Variants in INO80 observed in about 807,000 individuals in gnomAD.
INO80 encodes chromatin-remodeling ATPase INO80.
INO80 carries 20 observed loss-of-function variants against 203.4 expected under a neutral mutation model. That is an observed-to-expected ratio of 0.10 (90% CI 0.07 to 0.14). The LOEUF (loss-of-function observed/expected upper bound fraction) is 0.14, where lower values mean the gene tolerates loss of function less well. Among genes scored for constraint, INO80 ranks in the 10% least tolerant of loss-of-function variants. INO80 has a pLI of 1.00. For synonymous variants in INO80, 726 were observed against 685.2 expected (o/e 1.06, Z -0.93); for missense variants, 1,419 against 1,914.4 (o/e 0.74, Z 4.83).
At position 41,081,064 on chromosome 15, in the gene INO80, G is replaced by T; in HGVS notation, c.883C>A (p.Gln295Lys). ...AACAGGTTACGAGCTGAAGCTTTCTGCTTATTTGCCTAAAATATTTAAAAA... is the reference window on the plus strand; with the variant it reads ...AACAGGTTACGAGCTGAAGCTTTCTTCTTATTTGCCTAAAATATTTAAAAA... ...VKKELPKANK[Q>K]KASARNLFLT... Residue 295 changes from glutamine (Q) to lysine (K), a missense_variant, in exon 8 of 36, where the codon CAG (glutamine) becomes AAG (lysine). Transcript: ENST00000648947. 6.3e-7 allele frequency: 1 copy of T among 1,590,868 alleles called. No individual in the cohort carries two copies. Among genetic ancestry groups the T allele is most frequent in the Non-Finnish European group, 8.6e-7 (1 of 1,159,638 alleles).
intron 25 of INO80, among the ~76,000 whole-genome samples, chr15:41,027,082 C>T (rs1240636795): frequency 6.6e-6 from 1 of 152,150 alleles, no homozygotes; most frequent in African/African-American, 2.4e-5. Flanking sequence ...GAATGACAGT[C>T]CAAGTGAGGC....
chr15:41,072,561 T>TA (rs1334141700), intron 11 of INO80, among the ~76,000 whole-genome samples: 1 of 104,014 alleles, frequency 9.6e-6, no homozygotes, highest in Non-Finnish European at 2.0e-5. Flanking sequence ...TCTACTAAAA[T>TA]AAAAAAAATT....
intron 29 of INO80, among the ~76,000 whole-genome samples, chr15:40,991,100 C>T (rs777951486): frequency 1.2e-4 from 18 of 151,986 alleles, no homozygotes; most frequent in Non-Finnish European, 2.1e-4. Context: ...CCTAGAAGAC[C>T]CAGTGGCAAC....
chr15:41,094,817 A>C (rs1480159839), intron 4 of INO80, among the ~76,000 whole-genome samples: 2 of 152,144 alleles, frequency 1.3e-5, no homozygotes, highest in East Asian at 3.8e-4. Flanking sequence ...TTTGAGCACC[A>C]ATAAGATGCC....
intron 24 of INO80, among the ~76,000 whole-genome samples, chr15:41,031,836 CTT>C (rs964368883): frequency 4.6e-5 from 7 of 152,202 alleles, no homozygotes; most frequent in Admixed American, 3.9e-4. Flanking sequence ...TCTAAAGACT[CTT>C]TTCGCACCAT....
intron 1 of INO80, among the ~76,000 whole-genome samples, chr15:41,103,420 C>T (rs1596329601): frequency 6.6e-6 from 1 of 152,234 alleles, no homozygotes. Flanking sequence ...GACAGAGTCT[C>T]GCTTTGTCAC....
At chr15:41,050,221 T>TC (rs1199006573) in intron 19 of INO80, 119 bp from the exon 20 acceptor site, 3 of 657,126 alleles carry the variant, frequency 4.6e-6, no homozygotes, top group Non-Finnish European at 5.2e-6. Flanking sequence ...ATATGTGAAC[T>TC]CAGTATCTCT....
chr15:41,065,718 CT>C (rs1244681143), intron 14 of INO80, among the ~76,000 whole-genome samples: 1 of 152,118 alleles, frequency 6.6e-6, no homozygotes, highest in Non-Finnish European at 1.5e-5. Flanking sequence ...GAATAAAGCA[CT>C]GACACATGCT....
chr15:41,001,245 G>A (rs757048139), intron 28 of INO80, among the ~76,000 whole-genome samples: 7 of 152,122 alleles, frequency 4.6e-5, no homozygotes, highest in Non-Finnish European at 8.8e-5. Flanking sequence ...TCAACTCAGG[G>A]TCTCTTAGAA....
At chr15:41,045,272 C>A (rs1239404198) in intron 23 of INO80, among the ~76,000 whole-genome samples, 197 bp from the exon 24 acceptor site, 1 of 152,110 alleles carries the variant, frequency 6.6e-6, no homozygotes, top group Non-Finnish European at 1.5e-5. Flanking sequence ...AAACTAAAAT[C>A]CTCCGCAAAG....
intron 27 of INO80, among the ~76,000 whole-genome samples, chr15:41,015,259 A>G (rs2044186262): frequency 6.6e-6 from 1 of 152,200 alleles, no homozygotes; most frequent in Non-Finnish European, 1.5e-5. Flanking sequence ...TCACCCCAGG[A>G]CCTTTTAAAT....
At chr15:41,109,481 G>T (rs972140074) in intron 1 of INO80, among the ~76,000 whole-genome samples, 4 of 150,738 alleles carry the variant, frequency 2.7e-5, no homozygotes, top group Non-Finnish European at 5.9e-5. Context: ...GGCCACTGCC[G>T]TATTTATTAC....
At chr15:40,989,643 T>G (rs1367620551) in intron 29 of INO80, among the ~76,000 whole-genome samples, 2 of 152,204 alleles carry the variant, frequency 1.3e-5, no homozygotes, top group Non-Finnish European at 2.9e-5. Context: ...TCAGTCTACC[T>G]TGGCTACCAC....
Position 40,983,792 on chromosome 15 carries a change from T to C in INO80, c.4207A>G (p.Ile1403Val), listed in dbSNP as rs750094980. The change falls in exon 34 of 36, where the codon ATA (isoleucine) becomes GTA (valine). Residue 1403 changes from isoleucine to valine, a missense_variant. Ile to Val is a conservative substitution (Grantham distance 29). Around this residue, in one of 9 missense-constraint regions of INO80, gnomAD observed 214 missense variants for 248.9 expected, o/e 0.86. Coordinates refer to ENST00000648947, the MANE Select transcript of INO80 (RefSeq NM_017553.3). The part of the protein sequence containing the change: ...QSRATNSPAS[I>V]TGSVSDTVNG... ...ACGGTATCTGAGACGGAGCCTGTTA[T>C]GGATGCGGGAGAGTTGGTAGCTCGA... 15 of 1,612,468 alleles carry C rather than the reference T, an allele frequency of 9.3e-6. No homozygotes were observed. The Admixed American group carries it at 1.7e-4, about 18-fold the overall frequency.
intron 29 of INO80, among the ~76,000 whole-genome samples, chr15:40,995,126 G>T (rs1295171846): frequency 6.6e-6 from 1 of 152,216 alleles, no homozygotes; most frequent in Non-Finnish European, 1.5e-5. Flanking sequence ...AAAGTGCTGG[G>T]ATTACAAGCG....
chr15:41,070,443 G>A, intron 13 of INO80, 24 bp downstream of exon 13: 1 of 1,587,176 alleles, frequency 6.3e-7, no homozygotes. Flanking sequence ...GAGAAATGAA[G>A]ATAGAAAGAT....
At chr15:41,111,210 T>C (rs1160237712) in intron 1 of INO80, among the ~76,000 whole-genome samples, 3 of 151,388 alleles carry the variant, frequency 2.0e-5, no homozygotes, top group Admixed American at 6.6e-5. Context: ...CTTTGGGAGG[T>C]AGAGGCAGGC....
rs1283325737 is a variant in INO80 at position 41,045,176 on chromosome 15, T to C, written c.2736-101A>G. 16 of 829,728 alleles carry C rather than the reference T, an allele frequency of 1.9e-5. No homozygotes were observed. The Middle Eastern group carries it at 1.2e-3, about 61-fold the overall frequency. The allele number at this position is 829,728 out of a possible 1,614,324, so 51.4% of individuals were successfully genotyped here. A position where few individuals can be genotyped will look rare whatever the true frequency, so the allele number is the denominator to read the frequency against. ...GTCTCTCATTAACATAACTCTTTTG[T>C]AAATCTTTATCATTTTAGAAACAGT... On this transcript the variant is annotated intron_variant, in intron 23 of 35. Coordinates refer to ENST00000648947, the MANE Select transcript of INO80 (RefSeq NM_017553.3).
chr15:40,988,383 A>G (rs2043769943), intron 29 of INO80, among the ~76,000 whole-genome samples: 1 of 152,228 alleles, frequency 6.6e-6, no homozygotes, highest in South Asian at 2.1e-4. Context: ...GTTAAGACTC[A>G]CATATTTTGT....
Sources: gnomAD v4.1 joint callset for allele counts (sites outside exome capture counted in the v4.1 genomes callset) on GRCh38, gnomAD v4.1.1 for gene constraint, gnomAD v4.1.1 regional missense constraint, MANE v1.5 for transcripts, NCBI Gene and HGNC (gene_info 2026-07-23, HGNC 2026-07-21) for gene names.